TRRAP: variants seen among roughly 807,000 people sequenced by gnomAD.
The protein encoded by TRRAP is transformation/transcription domain-associated protein.
A neutral mutation model predicts 438.8 loss-of-function variants in TRRAP; 41 were observed. The ratio of observed to expected loss-of-function variants is 0.09; its 90% confidence interval spans 0.07 to 0.12. The LOEUF is 0.12. TRRAP is among the 10% of genes least tolerant of loss of function. The pLI is 1.00. For synonymous variants in TRRAP, 1,994 were observed against 1,962.9 expected (o/e 1.02, Z -0.42); for missense variants, 3,122 against 5,055.1 (o/e 0.62, Z 11.60).
chr7:98,907,342 A>G (rs1185627006), intron 13 of TRRAP, among the ~76,000 whole-genome samples: 1 of 152,106 alleles, frequency 6.6e-6, no homozygotes, highest in African/African-American at 2.4e-5. Flanking sequence ...AAAAGTAGTG[A>G]TAATGGTTAC....
At chr7:98,986,986 C>T (rs1270940906) in intron 62 of TRRAP, among the ~76,000 whole-genome samples, 1 of 152,144 alleles carries the variant, frequency 6.6e-6, no homozygotes, top group East Asian at 1.9e-4. Context: ...TTGACACCCT[C>T]ATCAAAAATC....
At chr7:98,992,560 C>CGTGTGTGTGTGTGTGTGTGTGTGTGT (rs72517544) in intron 65 of TRRAP, among the ~76,000 whole-genome samples, 1 of 149,124 alleles carries the variant, frequency 6.7e-6, no homozygotes, top group African/African-American at 2.5e-5. Context: ...TGCCAGCTGC[C>CGTGTGTGTGTGTGTGTGTGTGTGTGT]GTGTGTGTGT....
intron 40 of TRRAP, 80 bp from the exon 41 acceptor site, chr7:98,955,018 G>A: frequency 6.9e-7 from 1 of 1,441,318 alleles, no homozygotes; most frequent in Non-Finnish European, 9.4e-7. Flanking sequence ...AAAGTAGCAT[G>A]TCTTGACACC....
At chr7:98,960,367 T>C (rs893917073) in intron 45 of TRRAP, among the ~76,000 whole-genome samples, 6 of 152,210 alleles carry the variant, frequency 3.9e-5, no homozygotes, top group African/African-American at 1.4e-4. Context: ...ATTTGGAAAC[T>C]TTTGCTATTG....
intron 46 of TRRAP, 104 bp from the exon 47 acceptor site, chr7:98,962,198 C>T (rs1457668211): frequency 5.8e-6 from 9 of 1,560,318 alleles, no homozygotes; most frequent in African/African-American, 4.1e-5. Context: ...AGTGCCCGTG[C>T]CAATCCCTCC....
chr7:98,976,320 G>T lies in TRRAP; in HGVS notation c.7959+52G>T, dbSNP rs1792654392. ...TGGAAAATTGTAGTTTTAGCTTTTG[G>T]TAAGTATTCATAAAAGAACACAGTC... On this transcript the variant is annotated intron_variant, in intron 54 of 72. Coordinates refer to ENST00000456197, the MANE Select transcript of TRRAP (RefSeq NM_001375524.1). The surrounding 1 kb of genome is among the most constrained non-coding windows in gnomAD (Gnocchi z 4.6). 2 of 1,606,808 alleles carry T rather than the reference G, an allele frequency of 1.2e-6. No individual in the cohort carries two copies. The highest frequency in any genetic ancestry group is 1.7e-5 in the Admixed American group (1 of 59,562).
intron 53 of TRRAP, among the ~76,000 whole-genome samples, chr7:98,973,701 G>GT (rs1792522879): frequency 6.6e-6 from 1 of 151,970 alleles, no homozygotes; most frequent in Admixed American, 6.5e-5. Context: ...GTCACCCTTT[G>GT]TAAGAGGATT....
chr7:98,903,633 A>T, intron 12 of TRRAP, 116 bp downstream of exon 12: 2 of 1,437,516 alleles, frequency 1.4e-6, no homozygotes, highest in Non-Finnish European at 1.9e-6. Flanking sequence ...TGCTTCCTTC[A>T]TTGCTGTCTT....
rs1489339975 is a variant in TRRAP at position 98,922,087 on chromosome 7, G to A, written c.2823+134G>A. ...CCAGTTGTATCAGGTGATCGGCCTG[G>A]TTGGCACAGGGGCTTTCCTAATGCC... On this transcript the variant is annotated intron_variant, in intron 21 of 72. Coordinates refer to ENST00000456197, the MANE Select transcript of TRRAP (RefSeq NM_001375524.1). 5.6e-6 allele frequency: 7 copies of A among 1,257,118 alleles called. No homozygotes were observed. In the East Asian group the frequency reaches 1.8e-4, roughly 32 times the overall value. 77.9% of individuals were successfully genotyped at this position (1,257,118 alleles called of 1,614,324 possible). A position where few individuals can be genotyped will look rare whatever the true frequency, so the allele number is the denominator to read the frequency against.
chr7:98,918,027 G>T (rs1258356987), intron 20 of TRRAP, among the ~76,000 whole-genome samples: 1 of 151,734 alleles, frequency 6.6e-6, no homozygotes, highest in Non-Finnish European at 1.5e-5. Context: ...GGCTGAGGCA[G>T]GGGGATCACC....
chr7:98,878,621 GGGCCGCCGA>G lies in TRRAP; in HGVS notation c.-75_-67del, dbSNP rs1477970804. ...GTCGCGGGCCGGGCCTGCAGGAGCC[GGGCCGCCGA>G]GGTCGGGGTAAGTTGGCGGGCGGGC... On this transcript the variant is annotated 5_prime_UTR_variant, in exon 1 of 73. Transcript: ENST00000456197. 5.9e-5 allele frequency: 9 copies of G among 151,280 alleles called. No individual in the cohort carries two copies. Among genetic ancestry groups the G allele is most frequent in the African/African-American group, 2.2e-4 (9 of 41,302 alleles). 9.4% of individuals were successfully genotyped at this position (151,280 alleles called of 1,614,324 possible).
intron 44 of TRRAP, 114 bp from the exon 45 acceptor site, chr7:98,959,230 G>C: frequency 7.1e-7 from 1 of 1,415,130 alleles, no homozygotes; most frequent in East Asian, 2.3e-5. Flanking sequence ...TGGCTGTGAG[G>C]TGAAGATCTG....
intron 51 of TRRAP, 95 bp from the exon 52 acceptor site, chr7:98,970,017 A>T (rs1792340195): frequency 6.9e-7 from 1 of 1,454,706 alleles, no homozygotes; most frequent in African/African-American, 1.4e-5. Context: ...GCAGAGTCAG[A>T]GGTGCCTGAG....
In TRRAP at chr7:98,967,557, C is replaced by G. The variant is rs1792211262; in HGVS notation, c.7371C>G (p.Ala2457=). 1.2e-6 allele frequency: 2 copies of G among 1,614,088 alleles called. No homozygotes were observed. Among genetic ancestry groups the G allele is most frequent in the East Asian group, 2.2e-5 (1 of 44,872 alleles). Residue 2457 remains alanine (A), a synonymous_variant, in exon 51 of 73, where the codon GCC becomes GCG. Coordinates refer to ENST00000456197, the MANE Select transcript of TRRAP (RefSeq NM_001375524.1). The stretch of plus-strand genomic sequence containing the variant: ...CCTTTCTCTCTGGGCTGCGCTGTGC[C>G]CAGCCACTCATCAGGGCAAAGTTTT... ...EPAFLSGLRC[A]QPLIRAKFFE...
intron 51 of TRRAP, among the ~76,000 whole-genome samples, chr7:98,969,180 G>A (rs570459371): frequency 6.6e-6 from 1 of 152,324 alleles, no homozygotes; most frequent in East Asian, 1.9e-4. Context: ...TCTTAATAAA[G>A]CAGATAACAA....
intron 22 of TRRAP, among the ~76,000 whole-genome samples, chr7:98,926,776 G>C (rs1017371734): frequency 6.6e-6 from 1 of 151,838 alleles, no homozygotes; most frequent in African/African-American, 2.4e-5. Flanking sequence ...AGGCTGAGGC[G>C]GGGGTGGGTC....
At chr7:98,957,302 A>G (rs1791663922) in intron 43 of TRRAP, among the ~76,000 whole-genome samples, 1 of 151,844 alleles carries the variant, frequency 6.6e-6, no homozygotes, top group Admixed American at 6.6e-5. Context: ...CTCCACTTTT[A>G]TTCCCTCTTT....
In TRRAP at chr7:98,899,584, A is replaced by C. The variant is rs1796378307; in HGVS notation, c.711+85A>C. 1.0e-5 allele frequency: 16 copies of C among 1,602,682 alleles called. No individual in the cohort carries two copies. The South Asian group carries it at 1.7e-4, about 17-fold the overall frequency. On this transcript the variant is annotated intron_variant, in intron 9 of 72. Coordinates refer to ENST00000456197, the MANE Select transcript of TRRAP (RefSeq NM_001375524.1). ...TGGGGCCAAAAGATGTGTATAATAC[A>C]CACATGCTAAATAATGTGATGATTC...
At chr7:98,960,312 A>C (rs115849584) in intron 45 of TRRAP, among the ~76,000 whole-genome samples, 3 of 152,058 alleles carry the variant, frequency 2.0e-5, no homozygotes, top group African/African-American at 7.2e-5. Flanking sequence ...AGCAAAAGCT[A>C]TTTTCTTGCC....
Sources: allele counts gnomAD v4.1 joint callset (sites outside exome capture counted in the v4.1 genomes callset), GRCh38; gene constraint gnomAD v4.1.1; non-coding constraint Gnocchi (gnomAD v3.1); transcripts MANE v1.5; gene names NCBI Gene and HGNC (gene_info 2026-07-23, HGNC 2026-07-21).